The following SFSWAP variants were observed in gnomAD, a reference collection of about 807,000 sequenced individuals.
The protein encoded by SFSWAP is splicing factor, suppressor of white-apricot homolog.
In SFSWAP, 17 loss-of-function variants were observed where a neutral mutation model predicts 100.7. The ratio of observed to expected loss-of-function variants is 0.17; its 90% CI spans 0.12 to 0.25. The LOEUF is 0.25. Ranked by LOEUF, SFSWAP falls within the 10% of genes least tolerant of loss-of-function variation. The pLI, the probability that SFSWAP is intolerant of heterozygous loss-of-function variation, is 1.00. For missense variants in SFSWAP, 1,005 were observed against 1,262.6 expected, an observed-to-expected ratio of 0.80 and a Z score of 3.09; for synonymous variants, 504 against 510.1, an observed-to-expected ratio of 0.99 and a Z score of 0.16.
intron 13 of SFSWAP, among the ~76,000 whole-genome samples, chr12:131,769,131 A>C (rs1413360568): frequency 6.6e-6 from 1 of 151,684 alleles, no homozygotes; most frequent in Non-Finnish European, 1.5e-5. Flanking sequence ...CTTCTCAAAA[A>C]AAAAAAGGAT....
intron 15 of SFSWAP, among the ~76,000 whole-genome samples, chr12:131,787,227 C>T (rs1884959123): frequency 6.6e-6 from 1 of 152,218 alleles, no homozygotes; most frequent in Admixed American, 6.5e-5. Flanking sequence ...GGGCTCACCC[C>T]TCACTCAGTG....
At position 131,799,703 on chromosome 12, in the gene SFSWAP, G is replaced by A. The variant is rs557801504; in HGVS notation, c.*215G>A. On this transcript the variant is annotated 3_prime_UTR_variant, in exon 18 of 18. Coordinates refer to ENST00000261674, the MANE Select transcript of SFSWAP (RefSeq NM_004592.4). ...TCATGTTTCTGTGAAAATGTATTAT[G>A]AAATAAAATGGGAGGAAACACCTTT... 6.1e-5 allele frequency: 34 copies of A among 558,484 alleles called. No individual in the cohort carries two copies. The East Asian group carries it at 9.5e-4, about 16-fold the overall frequency. The allele number at this position is 558,484 out of a possible 1,614,324, so 34.6% of individuals were successfully genotyped here. A position where few individuals can be genotyped will look rare whatever the true frequency, so the allele number is the denominator to read the frequency against.
intron 14 of SFSWAP, chr12:131,785,053 T>C (rs1179868963): frequency 5.2e-6 from 8 of 1,526,728 alleles, no homozygotes; most frequent in Non-Finnish European, 7.0e-6. Context: ...GAATGTGAAG[T>C]GTGTGCCTCC....
intron 11 of SFSWAP, among the ~76,000 whole-genome samples, chr12:131,761,458 TG>T (rs1176439241): frequency 6.6e-6 from 1 of 152,142 alleles, no homozygotes; most frequent in African/African-American, 2.4e-5. Context: ...GGAAAGAGGT[TG>T]GGCAGGGCCT....
chr12:131,732,866 G>C (rs905810819), intron 7 of SFSWAP, among the ~76,000 whole-genome samples: 2 of 152,062 alleles, frequency 1.3e-5, no homozygotes, highest in African/African-American at 4.8e-5. Flanking sequence ...AAAGCTGTCT[G>C]GAAAATTACT....
intron 13 of SFSWAP, among the ~76,000 whole-genome samples, chr12:131,776,351 A>C (rs921399659): frequency 1.3e-5 from 2 of 152,168 alleles, no homozygotes; most frequent in Non-Finnish European, 2.9e-5. Flanking sequence ...AGGGAGGGGC[A>C]TTAGAGAGCA....
rs1195860161 is a variant in SFSWAP, at chr12:131,753,170, A to G, written c.1129A>G (p.Thr377Ala). Residue 377 changes from threonine to alanine, a missense_variant, in exon 8 of 18, where the codon ACT becomes GCT. Coordinates refer to ENST00000261674, the MANE Select transcript of SFSWAP (RefSeq NM_004592.4). Reference protein sequence around the residue: ...YYSYYMLPDGTYCLAPPPPGI... With the variant: ...YYSYYMLPDGAYCLAPPPPGI... ...CAGCTACTACATGCTACCGGACGGC[A>G]CTTACTGCCTGGCGCCGCCCCCTCC... 6.2e-7 allele frequency: 1 copy of G among 1,614,038 alleles called. No homozygotes were observed. Among genetic ancestry groups the G allele is most frequent in the African/African-American group, 1.3e-5 (1 of 74,906 alleles).
intron 7 of SFSWAP, among the ~76,000 whole-genome samples, chr12:131,745,722 A>G (rs1160139189): frequency 6.6e-6 from 1 of 151,540 alleles, no homozygotes; most frequent in Non-Finnish European, 1.5e-5. Flanking sequence ...AGGGATCTGC[A>G]TCTTCAGATG....
chr12:131,728,775 A>C (rs936710294), intron 7 of SFSWAP, among the ~76,000 whole-genome samples: 4 of 148,692 alleles, frequency 2.7e-5, no homozygotes, highest in Non-Finnish European at 5.9e-5. Flanking sequence ...AGCATGGTTC[A>C]CGGCAGCCTG....
At chr12:131,773,803 G>A (rs151194864) in intron 13 of SFSWAP, among the ~76,000 whole-genome samples, 2 of 152,350 alleles carry the variant, frequency 1.3e-5, no homozygotes, top group East Asian at 3.9e-4. Flanking sequence ...TTGTTAACCA[G>A]TGACCATGAC....
In SFSWAP at chr12:131,730,130, C is replaced by G. The variant is rs1424290747; in HGVS notation, c.1081+1702C>G. 1.3e-5 allele frequency among the ~76,000 whole-genome samples: 2 copies of G among 152,200 alleles called. No homozygotes were observed. The highest frequency in any genetic ancestry group is 2.9e-5 in the Non-Finnish European group (2 of 68,040). ...CAGCTGTCTGAGGTGCTCTGTAGAT[C>G]ACTCCTAACGCCCAGTCCTCACTGC... On this transcript the variant is annotated intron_variant, in intron 7 of 17. Transcript: ENST00000261674. This position sits in a 1 kb window ranked among gnomAD's most constrained non-coding sequence, Gnocchi z 4.0.
chr12:131,711,508 T>C lies in SFSWAP; in HGVS notation c.218+61T>C. ...CCCTCACCCGCTTGATCTCGTCTGATGTTGACTTGACTGCAAGGACTGCAG... is the reference window on the plus strand; with the variant it reads ...CCCTCACCCGCTTGATCTCGTCTGACGTTGACTTGACTGCAAGGACTGCAG... On this transcript the variant is annotated intron_variant, in intron 1 of 17. Transcript: ENST00000261674. This position sits in a 1 kb window ranked among gnomAD's most constrained non-coding sequence, Gnocchi z 4.9. 1 of 1,404,516 alleles carries C rather than the reference T, an allele frequency of 7.1e-7. No homozygotes were observed. Among genetic ancestry groups the C allele is most frequent in the Non-Finnish European group, 1.0e-6 (1 of 999,962 alleles). The allele number at this position is 1,404,516 out of a possible 1,614,324, so 87.0% of individuals were successfully genotyped here.
intron 7 of SFSWAP, among the ~76,000 whole-genome samples, chr12:131,751,699 C>T (rs561766775): frequency 2.6e-5 from 4 of 152,338 alleles, no homozygotes; most frequent in East Asian, 3.9e-4. Context: ...CAGGTCAGTT[C>T]GTTGGTCCAG....
At chr12:131,797,025 C>G in intron 15 of SFSWAP, 153 bp from the exon 16 acceptor site, 1 of 661,238 alleles carries the variant, frequency 1.5e-6, no homozygotes, top group Non-Finnish European at 2.7e-6. Flanking sequence ...AAATAAGTAG[C>G]TTTAAGAGAA....
In SFSWAP at chr12:131,738,588, G is replaced by A. The variant is rs956431228; in HGVS notation, c.1081+10160G>A. Among the ~76,000 whole-genome samples the A allele has an allele frequency of 2.6e-5, 4 of 152,312 alleles. No individual in the cohort carries two copies. The South Asian group carries it at 6.2e-4, about 24-fold the overall frequency. On this transcript the variant is annotated intron_variant, in intron 7 of 17. Coordinates refer to ENST00000261674, the MANE Select transcript of SFSWAP (RefSeq NM_004592.4). ...GATGAAAGTTTCTTTTATGCCTAAA[G>A]AATTCAGTTCTGAAAAAAGGTTAGG...
At chr12:131,746,493 CG>C (rs1881114294) in intron 7 of SFSWAP, among the ~76,000 whole-genome samples, 1 of 152,186 alleles carries the variant, frequency 6.6e-6, no homozygotes, top group East Asian at 1.9e-4. Flanking sequence ...CCCCCGTCCC[CG>C]CCTGGAACAT....
intron 7 of SFSWAP, among the ~76,000 whole-genome samples, chr12:131,738,882 A>ATTATTTTTTTTTTTTTT (rs1555243205): frequency 2.5e-5 from 1 of 40,220 alleles, no homozygotes; most frequent in Admixed American, 3.6e-4. Context: ...AATGAACATT[A>ATTATTTTTTTTTTTTTT]TTCTTTTTTT....
intron 13 of SFSWAP, among the ~76,000 whole-genome samples, chr12:131,774,162 G>T (rs1276944503): frequency 6.6e-6 from 1 of 152,226 alleles, no homozygotes; most frequent in East Asian, 1.9e-4. Context: ...GCAGGGGTGG[G>T]AGGATGCACC....
chr12:131,763,432 G>GT (rs1319680830), intron 11 of SFSWAP, among the ~76,000 whole-genome samples: 1 of 152,190 alleles, frequency 6.6e-6, no homozygotes, highest in Non-Finnish European at 1.5e-5. Context: ...GTTAGCTCTT[G>GT]TCAAGAGCCA....
Sources: allele counts gnomAD v4.1 joint callset (sites outside exome capture counted in the v4.1 genomes callset), GRCh38; gene constraint gnomAD v4.1.1; non-coding constraint Gnocchi (gnomAD v3.1); transcripts MANE v1.5; gene names NCBI Gene and HGNC (gene_info 2026-07-23, HGNC 2026-07-21).